The following CAB39 variants were observed in gnomAD, a reference collection of about 807,000 sequenced individuals.
CAB39 encodes calcium binding protein 39, also known as calcium-binding protein 39.
Under a neutral mutation model 40.0 loss-of-function variants are expected in CAB39, and 8 were observed. The ratio of observed to expected loss-of-function variants is 0.20; its 90% CI spans 0.12 to 0.36. CAB39 has a LOEUF of 0.36. Among genes scored for constraint, CAB39 ranks in the 10% least tolerant of loss-of-function variants. The pLI is 1.00. For missense variants in CAB39, 270 were observed against 401.1 expected (o/e 0.67, Z 2.79); for synonymous variants, 156 against 141.6 (o/e 1.10, Z -0.72).
chr2:230,748,829 A>ATATATATATATATATAT (rs1262628500), intron 1 of CAB39, among the ~76,000 whole-genome samples: 4 of 46,406 alleles, frequency 8.6e-5, no homozygotes, highest in South Asian at 7.4e-4. Context: ...AAAAAAAAAA[A>ATATATATATATATATAT]AAATATATAT....
At chr2:230,797,461 C>G (rs546975046) in intron 4 of CAB39, among the ~76,000 whole-genome samples, 39 of 146,324 alleles carry the variant, frequency 2.7e-4, no homozygotes, top group African/African-American at 9.9e-4. Context: ...TCTGTTAGAC[C>G]TGGTTTAGAA....
At chr2:230,775,945 A>T (rs1349561650) in intron 2 of CAB39, among the ~76,000 whole-genome samples, 1 of 152,226 alleles carries the variant, frequency 6.6e-6, no homozygotes, top group African/African-American at 2.4e-5. Flanking sequence ...AACCAAGAGG[A>T]TAAAGCAGTT....
At position 230,760,088 on chromosome 2, in the gene CAB39, A is replaced by C. The variant is rs781748420; in HGVS notation, c.87A>C (p.Gln29His). Residue 29 changes from glutamine to histidine, a missense_variant, in exon 2 of 9, where the codon CAA becomes CAC. Physicochemically the swap from Gln to His is conservative, Grantham distance 24 (BLOSUM62 0). Coordinates refer to ENST00000258418, the MANE Select transcript of CAB39 (RefSeq NM_016289.4). ...AGAGCATGGCTGTTCTGGAAAAGCAAGACATTTCTGATAAAAAAGCAGAAA... is the reference window on the plus strand; with the variant it reads ...AGAGCATGGCTGTTCTGGAAAAGCACGACATTTCTGATAAAAAAGCAGAAA... ...LKESMAVLEK[Q>H]DISDKKAEKA... 1 of 1,612,148 alleles carries C rather than the reference A, an allele frequency of 6.2e-7. No homozygotes were observed. Among genetic ancestry groups the C allele is most frequent in the Non-Finnish European group, 8.5e-7 (1 of 1,178,204 alleles).
intron 4 of CAB39, among the ~76,000 whole-genome samples, chr2:230,796,674 G>A (rs772647521): frequency 6.6e-6 from 1 of 152,038 alleles, no homozygotes; most frequent in Non-Finnish European, 1.5e-5. Flanking sequence ...GATCTGTGAT[G>A]TGTAAGAGGA....
At chr2:230,740,710 G>A (rs1482999983) in intron 1 of CAB39, among the ~76,000 whole-genome samples, 1 of 152,148 alleles carries the variant, frequency 6.6e-6, no homozygotes, top group East Asian at 1.9e-4. Context: ...CAGTGCTGCT[G>A]CTGATCTGAC....
intron 6 of CAB39, among the ~76,000 whole-genome samples, chr2:230,813,790 G>A (rs1485006200): frequency 1.3e-5 from 2 of 151,982 alleles, no homozygotes; most frequent in African/African-American, 2.4e-5. Flanking sequence ...AGGCCTGGCT[G>A]GAACTGGGAA....
At chr2:230,785,704 C>T (rs1000780260) in intron 2 of CAB39, among the ~76,000 whole-genome samples, 4 of 151,480 alleles carry the variant, frequency 2.6e-5, no homozygotes, top group Admixed American at 1.3e-4. Flanking sequence ...CTTTCTCTCT[C>T]TTTTTTTTGA....
Position 230,767,333 on chromosome 2 carries a change from A to C in CAB39, c.114+7218A>C, listed in dbSNP as rs564210307. On this transcript the variant is annotated intron_variant, in intron 2 of 8. Coordinates refer to ENST00000258418, the MANE Select transcript of CAB39 (RefSeq NM_016289.4). ...TCTATCCACTTTATCTGGAGAAAAA[A>C]AAAGTCCAGAATCTAATCCCTTCTC... 4.6e-5 allele frequency among the ~76,000 whole-genome samples: 7 copies of C among 152,276 alleles called. No homozygotes were observed. The South Asian group carries it at 1.2e-3, about 27-fold the overall frequency.
intron 1 of CAB39, among the ~76,000 whole-genome samples, chr2:230,721,044 ATCTTCCCTCCCC>A (rs1694442990): frequency 6.6e-6 from 1 of 152,316 alleles, no homozygotes; most frequent in South Asian, 2.1e-4. Context: ...TTTAAAATTT[ATCTTCCCTCCCC>A]TCTTCCCCAC....
chr2:230,747,654 A>G (rs1469712410), intron 1 of CAB39, among the ~76,000 whole-genome samples: 1 of 152,256 alleles, frequency 6.6e-6, no homozygotes, highest in African/African-American at 2.4e-5. Flanking sequence ...AGCGCAAAAT[A>G]TAATGGATTA....
intron 2 of CAB39, among the ~76,000 whole-genome samples, chr2:230,775,953 G>A (rs910067347): frequency 2.6e-5 from 4 of 152,220 alleles, no homozygotes; most frequent in African/African-American, 9.6e-5. Context: ...GGATAAAGCA[G>A]TTCCTACGTC....
intron 2 of CAB39, among the ~76,000 whole-genome samples, chr2:230,768,655 C>T (rs181870759): frequency 1.2e-3 from 179 of 152,178 alleles, no homozygotes; most frequent in African/African-American, 4.1e-3. Context: ...CTAAATTAGG[C>T]ACCAAAAACG....
chr2:230,736,956 T>C (rs1290967385), intron 1 of CAB39, among the ~76,000 whole-genome samples: 1 of 152,154 alleles, frequency 6.6e-6, no homozygotes, highest in East Asian at 1.9e-4. Context: ...GGTTAGAGTG[T>C]CTGGTAGCTG....
intron 1 of CAB39, among the ~76,000 whole-genome samples, chr2:230,734,247 C>G (rs1177938815): frequency 6.6e-6 from 1 of 152,212 alleles, no homozygotes; most frequent in African/African-American, 2.4e-5. Context: ...TTAAGACTGT[C>G]TGTTTCCTAC....
chr2:230,725,341 C>T (rs2124862749), intron 1 of CAB39: 1 of 1,582,356 alleles, frequency 6.3e-7, no homozygotes, highest in South Asian at 1.1e-5. Flanking sequence ...CAGCCAGGCT[C>T]CCCACTGGCT....
intron 1 of CAB39, among the ~76,000 whole-genome samples, chr2:230,743,247 G>T (rs1203669125): frequency 6.6e-6 from 1 of 152,138 alleles, no homozygotes; most frequent in Non-Finnish European, 1.5e-5. Flanking sequence ...AGACAACTAG[G>T]CTGGAACTCT....
At chr2:230,717,432 C>T (rs1460255463) in intron 1 of CAB39, among the ~76,000 whole-genome samples, 3 of 152,098 alleles carry the variant, frequency 2.0e-5, no homozygotes, top group Admixed American at 1.3e-4. Flanking sequence ...CGACCGGATC[C>T]CAACCACTAC....
At chr2:230,742,110 A>G (rs1226327254) in intron 1 of CAB39, among the ~76,000 whole-genome samples, 2 of 152,328 alleles carry the variant, frequency 1.3e-5, no homozygotes, top group African/African-American at 4.8e-5. Flanking sequence ...AGGAAATCCA[A>G]AATTCCTAAA....
At chr2:230,776,534 AATAG>A (rs1328703889) in intron 2 of CAB39, among the ~76,000 whole-genome samples, 2 of 152,184 alleles carry the variant, frequency 1.3e-5, no homozygotes, top group African/African-American at 4.8e-5. Flanking sequence ...ATGTTAAATA[AATAG>A]AATCATATAG....
Sources: gnomAD v4.1 joint callset for allele counts (sites outside exome capture counted in the v4.1 genomes callset) on GRCh38, gnomAD v4.1.1 for gene constraint, MANE v1.5 for transcripts, NCBI Gene and HGNC (gene_info 2026-07-23, HGNC 2026-07-21) for gene names.